Variants in SDK1 observed in about 807,000 individuals in gnomAD.
The protein encoded by SDK1 is sidekick cell adhesion molecule 1, also known as protein sidekick-1.
SDK1 carries 157 observed loss-of-function variants against 245.5 expected under a neutral mutation model. That is an observed-to-expected ratio of 0.64 (90% CI 0.56 to 0.73). The LOEUF is 0.73. Among genes scored for constraint, SDK1 ranks in the 30% least tolerant of loss-of-function variants. The pLI is 0.00. For synonymous variants in SDK1, 1,647 were observed against 1,278.5 expected, an observed-to-expected ratio of 1.29 and a Z score of -6.15; for missense variants, 3,583 against 3,002.3, an observed-to-expected ratio of 1.19 and a Z score of -4.52.
At chr7:4,150,475 G>A (rs191135855) in intron 30 of SDK1, among the ~76,000 whole-genome samples, 14 of 152,292 alleles carry the variant, frequency 9.2e-5, no homozygotes, top group East Asian at 3.9e-4. Context: ...TCAGCTCTGC[G>A]TCCCTGCAGT....
Position 3,594,777 on chromosome 7 carries a change from A to G in SDK1, c.299-24303A>G, listed in dbSNP as rs530632128. Among the ~76,000 whole-genome samples, 93 of 152,322 alleles carry G rather than the reference A, an allele frequency of 6.1e-4. 2 individuals are homozygous for G. In the South Asian group the frequency reaches 0.018, roughly 30 times the overall value. On this transcript the variant is annotated intron_variant, in intron 1 of 44. Transcript: ENST00000404826. ...AGAAAAATTGCTTACTGTTTTAGAG[A>G]TAATACTGATATAAGAACCATCAGT...
intron 1 of SDK1, among the ~76,000 whole-genome samples, chr7:3,402,367 G>A (rs1303032638): frequency 1.3e-5 from 2 of 152,218 alleles, no homozygotes; most frequent in Non-Finnish European, 2.9e-5. Context: ...AAATTCACTC[G>A]GAAGCACAAT....
chr7:3,316,982 C>G (rs757912037), intron 1 of SDK1, among the ~76,000 whole-genome samples: 2 of 151,778 alleles, frequency 1.3e-5, no homozygotes, highest in East Asian at 1.9e-4. Context: ...GAGTTTGAGA[C>G]CAGCCTGGGC....
intron 29 of SDK1, among the ~76,000 whole-genome samples, chr7:4,147,678 T>C (rs1264617322): frequency 1.3e-5 from 2 of 152,148 alleles, no homozygotes; most frequent in South Asian, 2.1e-4. Flanking sequence ...ACACCCGAGG[T>C]GCTTCTGCAA....
chr7:4,127,608 G>A (rs1003222588), intron 26 of SDK1, 112 bp downstream of exon 26: 44 of 748,726 alleles, frequency 5.9e-5, no homozygotes, highest in Admixed American at 4.8e-4. Flanking sequence ...GATCTGCAGC[G>A]TCAGCCAGTT....
At chr7:3,594,796 C>G (rs1781000227) in intron 1 of SDK1, among the ~76,000 whole-genome samples, 1 of 152,050 alleles carries the variant, frequency 6.6e-6, no homozygotes, top group Non-Finnish European at 1.5e-5. Context: ...ATATAAGAAC[C>G]ATCAGTCCCT....
Position 3,974,670 on chromosome 7 carries a change from G to C in SDK1, c.1994+125G>C, listed in dbSNP as rs1009225890. 3 of 800,022 alleles carry C rather than the reference G, an allele frequency of 3.7e-6. No homozygotes were observed. In the African/African-American group the frequency reaches 5.2e-5, roughly 14 times the overall value. The allele number at this position is 800,022 out of a possible 1,614,324, so 49.6% of individuals were successfully genotyped here. On this transcript the variant is annotated intron_variant, in intron 13 of 44. Coordinates refer to ENST00000404826, the MANE Select transcript of SDK1 (RefSeq NM_152744.4). The stretch of plus-strand genomic sequence containing the variant: ...GTCCCAAGTCAGCGGTCAGAGGCCA[G>C]CGCATCATGCTGCATAACTACATAT...
chr7:4,139,186 C>CA (rs964442347), intron 28 of SDK1, among the ~76,000 whole-genome samples: 73 of 152,260 alleles, frequency 4.8e-4, no homozygotes, highest in African/African-American at 1.7e-3. Context: ...CTCTACCCAC[C>CA]CCCCATTTCC....
At chr7:3,342,568 A>G (rs1381490626) in intron 1 of SDK1, among the ~76,000 whole-genome samples, 4 of 152,170 alleles carry the variant, frequency 2.6e-5, no homozygotes, top group African/African-American at 4.8e-5. Context: ...AGCCTAGGCA[A>G]CAAGAGCGAA....
At chr7:3,591,041 A>T (rs1780855832) in intron 1 of SDK1, among the ~76,000 whole-genome samples, 2 of 152,166 alleles carry the variant, frequency 1.3e-5, no homozygotes, top group Admixed American at 1.3e-4. Context: ...TAATGTGCAA[A>T]GTTAAGAACA....
chr7:4,237,976 G>A (rs1398444487), intron 42 of SDK1, among the ~76,000 whole-genome samples, 192 bp downstream of exon 42: 2 of 152,118 alleles, frequency 1.3e-5, no homozygotes, highest in African/African-American at 4.8e-5. Context: ...TATGCCTCGG[G>A]ACCCAGATGC....
intron 1 of SDK1, chr7:3,337,837 A>G (rs1038394287): frequency 6.6e-6 from 1 of 152,216 alleles, no homozygotes; most frequent in Non-Finnish European, 1.5e-5. Flanking sequence ...ACTTTCTTGC[A>G]TGAAGGAAAA....
chr7:3,535,997 ATTTT>A (rs897184934), intron 1 of SDK1, among the ~76,000 whole-genome samples: 2 of 151,588 alleles, frequency 1.3e-5, no homozygotes, highest in Non-Finnish European at 2.9e-5. Context: ...TTAAGTTTTT[ATTTT>A]TTTATCTTTT....
At chr7:4,252,800 T>C (rs1787391184) in intron 44 of SDK1, among the ~76,000 whole-genome samples, 1 of 151,032 alleles carries the variant, frequency 6.6e-6, no homozygotes, top group Admixed American at 6.6e-5. Context: ...TCTATCTGTT[T>C]ATTGGCTATA....
At chr7:3,369,315 A>C in intron 1 of SDK1, among the ~76,000 whole-genome samples, 1 of 152,180 alleles carries the variant, frequency 6.6e-6, no homozygotes, top group East Asian at 1.9e-4. Context: ...TGCTGGGATT[A>C]CAGACGTGAC....
Position 3,564,724 on chromosome 7 carries a change from G to T in SDK1, c.299-54356G>T, listed in dbSNP as rs867073331. Reference sequence around the variant, plus strand: ...AAAGAAATGGAGAAAGTAGTCAAAAGCTTTCCTCCCAGAAAGCACCTGAGA... The same window carrying T: ...AAAGAAATGGAGAAAGTAGTCAAAATCTTTCCTCCCAGAAAGCACCTGAGA... On this transcript the variant is annotated intron_variant, in intron 1 of 44. Coordinates refer to ENST00000404826, the MANE Select transcript of SDK1 (RefSeq NM_152744.4). Among the ~76,000 whole-genome samples, 7 of 152,010 alleles carry T rather than the reference G, an allele frequency of 4.6e-5. 1 individual carries two copies. In the South Asian group the frequency reaches 1.5e-3, roughly 32 times the overall value.
At chr7:3,349,072 G>A (rs112089508) in intron 1 of SDK1, among the ~76,000 whole-genome samples, 8,080 of 152,046 alleles carry the variant, frequency 0.053, 666 homozygotes, top group African/African-American at 0.18. Context: ...GCAGGATGTT[G>A]AAGTGCACTT....
chr7:3,420,190 A>G (rs528606251), intron 1 of SDK1, among the ~76,000 whole-genome samples: 14 of 152,366 alleles, frequency 9.2e-5, no homozygotes, highest in African/African-American at 2.9e-4. Flanking sequence ...TAGTGATACT[A>G]TTATAGCAGA....
chr7:3,838,495 G>A (rs1780077612), intron 5 of SDK1, among the ~76,000 whole-genome samples: 1 of 152,200 alleles, frequency 6.6e-6, no homozygotes, highest in African/African-American at 2.4e-5. Context: ...GCACAAGGCT[G>A]GAGTCAGCAG....
Sources: allele counts gnomAD v4.1 joint callset (sites outside exome capture counted in the v4.1 genomes callset), GRCh38; gene constraint gnomAD v4.1.1; transcripts MANE v1.5; gene names NCBI Gene and HGNC (gene_info 2026-07-23, HGNC 2026-07-21).